PCDH17: variants seen among roughly 807,000 people sequenced by gnomAD.
The protein encoded by PCDH17 is protocadherin 17, also known as protocadherin-17.
Under a neutral mutation model 67.7 loss-of-function variants are expected in PCDH17, and 21 were observed. The ratio of observed to expected loss-of-function variants is 0.31; its 90% CI spans 0.22 to 0.45. The LOEUF is 0.45. PCDH17 is among the 20% of genes least tolerant of loss of function. PCDH17 has a pLI of 1.00. For missense variants in PCDH17, 1,471 were observed against 1,564.8 expected (o/e 0.94, Z 1.01); for synonymous variants, 701 against 656.7 (o/e 1.07, Z -1.03).
Position 57,632,387 on chromosome 13 carries a change from G to A in PCDH17, c.-160G>A. 1.5e-6 allele frequency: 1 copy of A among 672,064 alleles called. No individual in the cohort carries two copies. Among genetic ancestry groups the A allele is most frequent in the Non-Finnish European group, 2.5e-6 (1 of 397,630 alleles). 41.6% of individuals were successfully genotyped at this position (672,064 alleles called of 1,614,324 possible). A position where few individuals can be genotyped will look rare whatever the true frequency, so the allele number is the denominator to read the frequency against. ...AGGGAACTTGAGCAGAATAAGGAGA[G>A]ACCACCGGGTGCCGCAGCTCGGGTG... On this transcript the variant is annotated 5_prime_UTR_variant, in exon 1 of 4. Coordinates refer to ENST00000377918, the MANE Select transcript of PCDH17 (RefSeq NM_001040429.3).
At chr13:57,701,965 T>C (rs1406384135) in intron 3 of PCDH17, among the ~76,000 whole-genome samples, 4 of 152,110 alleles carry the variant, frequency 2.6e-5, no homozygotes, top group Non-Finnish European at 5.9e-5. Context: ...TTGCCCAGGC[T>C]GGAGTGCAGT....
At chr13:57,708,594 A>G (rs1224610419) in intron 3 of PCDH17, among the ~76,000 whole-genome samples, 1 of 151,988 alleles carries the variant, frequency 6.6e-6, no homozygotes, top group Non-Finnish European at 1.5e-5. Flanking sequence ...AAACACACAC[A>G]AATTAAACAC....
chr13:57,721,473 C>G (rs1164505193), intron 3 of PCDH17, among the ~76,000 whole-genome samples: 6 of 151,864 alleles, frequency 4.0e-5, no homozygotes, highest in African/African-American at 1.2e-4. Context: ...GAATCCATTC[C>G]CCTTAAAGTA....
chr13:57,691,185 C>A (rs1250820700), intron 3 of PCDH17, among the ~76,000 whole-genome samples: 1 of 151,208 alleles, frequency 6.6e-6, no homozygotes, highest in Non-Finnish European at 1.5e-5. Flanking sequence ...AGCTAAAATT[C>A]TGTTATTAAG....
intron 3 of PCDH17, among the ~76,000 whole-genome samples, chr13:57,688,499 G>T (rs1412664644): frequency 6.6e-6 from 1 of 151,940 alleles, no homozygotes; most frequent in Admixed American, 6.6e-5. Context: ...TTTCATTAAA[G>T]CCAATCTTTC....
In PCDH17 at chr13:57,728,165, A is replaced by G. The variant is rs752503733; in HGVS notation, c.*2871A>G. ...GTTGAATTGAGGAAATCTCGCTTTT[A>G]TTCATTTAGCTGGCAACTGCCTTTA... On this transcript the variant is annotated 3_prime_UTR_variant, in exon 4 of 4. Coordinates refer to ENST00000377918, the MANE Select transcript of PCDH17 (RefSeq NM_001040429.3). 3 of 152,546 alleles carry G rather than the reference A, an allele frequency of 2.0e-5. No homozygotes were observed. Among genetic ancestry groups the G allele is most frequent in the Non-Finnish European group, 4.4e-5 (3 of 67,986 alleles). The allele number at this position is 152,546 out of a possible 1,614,324, so 9.4% of individuals were successfully genotyped here.
intron 3 of PCDH17, among the ~76,000 whole-genome samples, chr13:57,668,403 A>G (rs976216841): frequency 2.0e-5 from 3 of 152,016 alleles, no homozygotes; most frequent in African/African-American, 7.2e-5. Flanking sequence ...AACTCTGTTA[A>G]TTTTTTAAAA....
chr13:57,689,316 C>T (rs2138059284), intron 3 of PCDH17, among the ~76,000 whole-genome samples: 1 of 152,040 alleles, frequency 6.6e-6, no homozygotes, highest in Non-Finnish European at 1.5e-5. Context: ...CAGTGCATTT[C>T]CTACTTGTCT....
intron 3 of PCDH17, among the ~76,000 whole-genome samples, chr13:57,685,182 A>T (rs777535176): frequency 5.9e-5 from 9 of 151,946 alleles, no homozygotes; most frequent in African/African-American, 2.2e-4. Flanking sequence ...ATTTTCTTCT[A>T]ATTTACTTGA....
intron 3 of PCDH17, among the ~76,000 whole-genome samples, chr13:57,684,738 A>T (rs1304403573): frequency 6.6e-6 from 1 of 152,018 alleles, no homozygotes; most frequent in Non-Finnish European, 1.5e-5. Context: ...TTTTATGAAT[A>T]GATGATAAGT....
intron 3 of PCDH17, among the ~76,000 whole-genome samples, chr13:57,691,086 A>G (rs1334688295): frequency 6.6e-6 from 1 of 151,484 alleles, no homozygotes; most frequent in African/African-American, 2.4e-5. Context: ...TAATAAATTA[A>G]TAATTCTTTG....
Position 57,724,847 on chromosome 13 carries a change from C to A in PCDH17, c.3033C>A (p.Leu1011=). Residue 1011 remains leucine (L), a synonymous_variant, in exon 4 of 4, where the codon CTC becomes CTA. Transcript: ENST00000377918. Reference sequence around the variant, plus strand: ...AAGACAAGCGAGAGCACACTATTCTCATTGCCAACGTTAAACCTTATTTAA... The same window carrying A: ...AAGACAAGCGAGAGCACACTATTCTAATTGCCAACGTTAAACCTTATTTAA... ...FGKDKREHTI[L]IANVKPYLKA... 6.2e-7 allele frequency: 1 copy of A among 1,614,166 alleles called. No individual in the cohort carries two copies. The highest frequency in any genetic ancestry group is 8.5e-7 in the Non-Finnish European group (1 of 1,180,012).
upstream of PCDH17, among the ~76,000 whole-genome samples, chr13:57,630,756 C>A (rs1954708730): frequency 6.6e-6 from 1 of 152,258 alleles, no homozygotes; most frequent in African/African-American, 2.4e-5. Context: ...TTTCTATAGA[C>A]TGAGTCAGAG....
At position 57,717,772 on chromosome 13, in the gene PCDH17, A is replaced by C. The variant is rs139704192; in HGVS notation, c.2798-6840A>C. On this transcript the variant is annotated intron_variant, in intron 3 of 3. Coordinates refer to ENST00000377918, the MANE Select transcript of PCDH17 (RefSeq NM_001040429.3). Reference sequence around the variant, plus strand: ...CTCTGCTATCAAAAGCAGATAGAATAGCACTTCACAAAGTAAAATCTGGAA... The same window carrying C: ...CTCTGCTATCAAAAGCAGATAGAATCGCACTTCACAAAGTAAAATCTGGAA... Among the ~76,000 whole-genome samples the C allele has an allele frequency of 7.9e-5, 12 of 152,208 alleles. No homozygotes were observed. In the East Asian group the frequency reaches 2.1e-3, roughly 27 times the overall value.
At chr13:57,712,346 A>G (rs1179585256) in intron 3 of PCDH17, among the ~76,000 whole-genome samples, 2 of 151,668 alleles carry the variant, frequency 1.3e-5, no homozygotes, top group Admixed American at 6.6e-5. Context: ...TATGTGTCCA[A>G]TAGAAGTGTC....
chr13:57,640,924 A>T (rs79567958), intron 1 of PCDH17, among the ~76,000 whole-genome samples: 10,266 of 152,106 alleles, frequency 0.067, 467 homozygotes, highest in Middle Eastern at 0.13. Flanking sequence ...TTGCACTAGA[A>T]TGTATTCCCC....
At chr13:57,695,329 T>G (rs1213422546) in intron 3 of PCDH17, among the ~76,000 whole-genome samples, 1 of 151,170 alleles carries the variant, frequency 6.6e-6, no homozygotes, top group Non-Finnish European at 1.5e-5. Flanking sequence ...CATTTAGCAA[T>G]TTTAGCATAA....
In PCDH17 at chr13:57,634,274, GA is replaced by G. The variant is rs1954782855; in HGVS notation, c.1730del (p.Asn577MetfsTer6). Reference protein sequence around the residue: ...ATVRVTVLDVNDNAPVIVLPT... With the variant: ...ATVRVTVLDVXDNAPVIVLPT... ...CGGTGAGGGTGACAGTGCTAGACGTGAATGACAACGCGCCAGTGATCGTGCT... is the reference window on the plus strand; with the variant it reads ...CGGTGAGGGTGACAGTGCTAGACGTGATGACAACGCGCCAGTGATCGTGCT... On this transcript the variant is annotated frameshift_variant, in exon 1 of 4. Coordinates refer to ENST00000377918, the MANE Select transcript of PCDH17 (RefSeq NM_001040429.3). LOFTEE classifies it high-confidence loss of function. This position sits in a 1 kb window ranked among gnomAD's most constrained non-coding sequence, Gnocchi z 7.8. The G allele has an allele frequency of 6.2e-7, 1 of 1,613,054 alleles. No homozygotes were observed.
intron 3 of PCDH17, among the ~76,000 whole-genome samples, chr13:57,680,554 C>A (rs9597586): frequency 0.055 from 8,386 of 151,448 alleles, 306 homozygotes; most frequent in Non-Finnish European, 0.086. Flanking sequence ...AGTGTGGTTA[C>A]CTAGTCAGGT....
Sources: allele counts gnomAD v4.1 joint callset (sites outside exome capture counted in the v4.1 genomes callset), GRCh38; gene constraint gnomAD v4.1.1; non-coding constraint Gnocchi (gnomAD v3.1); transcripts MANE v1.5; gene names NCBI Gene and HGNC (gene_info 2026-07-23, HGNC 2026-07-21).